Variants in CCDC13 observed in about 807,000 individuals in gnomAD.
The protein encoded by CCDC13 is coiled-coil domain containing 13, also known as coiled-coil domain-containing protein 13.
CCDC13 carries 70 observed loss-of-function variants against 87.3 expected under a neutral mutation model. The ratio of observed to expected loss-of-function variants is 0.80; its 90% confidence interval spans 0.66 to 0.98. CCDC13 has a LOEUF of 0.98. Ranked by LOEUF, CCDC13 falls within the 50% of genes least tolerant of loss-of-function variation. CCDC13 has a pLI of 0.00. For missense variants in CCDC13, 842 were observed against 892.0 expected, an observed-to-expected ratio of 0.94 and a Z score of 0.71; for synonymous variants, 317 against 360.3, an observed-to-expected ratio of 0.88 and a Z score of 1.36.
At chr3:42,739,888 A>C in intron 8 of CCDC13, 78 bp from the exon 9 acceptor site, 9 of 1,380,020 alleles carry the variant, frequency 6.5e-6, no homozygotes, top group Non-Finnish European at 9.1e-6. Flanking sequence ...CTCCTACTCA[A>C]TGGCAAGGCC....
At chr3:42,771,298 C>G (rs1484547637) in intron 1 of CCDC13, among the ~76,000 whole-genome samples, 6 of 152,178 alleles carry the variant, frequency 3.9e-5, no homozygotes, top group African/African-American at 1.4e-4. Flanking sequence ...TTGTAAATCC[C>G]TTCTAAATGA....
chr3:42,725,144 T>C (rs1698660008), intron 13 of CCDC13, among the ~76,000 whole-genome samples: 1 of 152,190 alleles, frequency 6.6e-6, no homozygotes, highest in Non-Finnish European at 1.5e-5. Context: ...CCTTGTTAGT[T>C]TGGCAAAAAT....
intron 13 of CCDC13, among the ~76,000 whole-genome samples, chr3:42,728,299 G>A (rs1698737435): frequency 1.3e-5 from 2 of 152,156 alleles, no homozygotes; most frequent in South Asian, 4.1e-4. Context: ...TGAGCACACA[G>A]GATTAGGGAA....
intron 12 of CCDC13, among the ~76,000 whole-genome samples, chr3:42,731,154 C>T (rs1171451250): frequency 6.6e-6 from 1 of 152,054 alleles, no homozygotes; most frequent in African/African-American, 2.4e-5. Context: ...AAACTCTGCC[C>T]CCCAACTTCA....
intron 5 of CCDC13, 145 bp downstream of exon 5, chr3:42,751,791 T>C: frequency 1.5e-6 from 1 of 665,222 alleles, no homozygotes; most frequent in Non-Finnish European, 2.7e-6. Context: ...GATGCAGCAA[T>C]GGTAGACAAT....
intron 14 of CCDC13, 141 bp downstream of exon 14, chr3:42,713,021 A>T: frequency 1.1e-6 from 1 of 921,462 alleles, no homozygotes; most frequent in Non-Finnish European, 1.6e-6. Flanking sequence ...CCCACAGTGG[A>T]GGCAGGCAGA....
chr3:42,742,664 G>A (rs929776787), intron 8 of CCDC13, among the ~76,000 whole-genome samples: 8 of 152,118 alleles, frequency 5.3e-5, no homozygotes, highest in Non-Finnish European at 1.2e-4. Flanking sequence ...AAACAGCCAG[G>A]ATGGGGCCAC....
chr3:42,746,183 C>T, intron 6 of CCDC13, 156 bp from the exon 7 acceptor site: 1 of 618,224 alleles, frequency 1.6e-6, no homozygotes, highest in South Asian at 2.0e-5. Flanking sequence ...TTTTCCATGT[C>T]CCAAGGGCAG....
At chr3:42,772,144 C>T (rs892303333) in intron 1 of CCDC13, among the ~76,000 whole-genome samples, 8 of 151,440 alleles carry the variant, frequency 5.3e-5, no homozygotes, top group African/African-American at 7.3e-5. Flanking sequence ...TGGTGGCGGG[C>T]GCCTGTAATC....
chr3:42,732,938 T>C lies in CCDC13; in HGVS notation c.1544A>G (p.Glu515Gly). 1 of 1,554,104 alleles carries C rather than the reference T, an allele frequency of 6.4e-7. No individual in the cohort carries two copies. Among genetic ancestry groups the C allele is most frequent in the Admixed American group, 1.9e-5 (1 of 51,362 alleles). Reference sequence around the variant, plus strand: ...CAGGGAAGGCCTCGTGAGAGCAGATTCCACCAGTGTGTGGCCCAGGCTGGT... The same window carrying C: ...CAGGGAAGGCCTCGTGAGAGCAGATCCCACCAGTGTGTGGCCCAGGCTGGT... ...SVTSLGHTLV[E>G]SALTRPSLPS... Residue 515 changes from glutamate (E) to glycine (G), a missense_variant, in exon 12 of 16, where the codon GAA becomes GGA. Transcript: ENST00000310232.
intron 1 of CCDC13, among the ~76,000 whole-genome samples, chr3:42,760,292 CTAAA>C (rs56384940): frequency 0.12 from 16,710 of 144,486 alleles, 1,047 homozygotes; most frequent in Non-Finnish European, 0.14. Context: ...ATTCTTGTCT[CTAAA>C]TAAATAAATA....
At chr3:42,732,333 A>G (rs991704004) in intron 12 of CCDC13, among the ~76,000 whole-genome samples, 5 of 152,066 alleles carry the variant, frequency 3.3e-5, no homozygotes, top group African/African-American at 1.2e-4. Context: ...ACCTGAGCTG[A>G]CCTGCCTGAG....
downstream of CCDC13, chr3:42,704,874 A>G (rs2125863395): frequency 6.6e-6 from 1 of 152,330 alleles, no homozygotes; most frequent in South Asian, 2.1e-4. Context: ...GAGTGGGGAC[A>G]ATTCTCTCAA....
At chr3:42,771,866 A>G (rs1022335916) in intron 1 of CCDC13, among the ~76,000 whole-genome samples, 6 of 152,234 alleles carry the variant, frequency 3.9e-5, no homozygotes, top group African/African-American at 1.4e-4. Context: ...GTACCACACC[A>G]ATGCAATGTG....
chr3:42,735,341 A>G (rs186812714), intron 10 of CCDC13, among the ~76,000 whole-genome samples: 205 of 152,302 alleles, frequency 1.3e-3, no homozygotes, highest in Non-Finnish European at 2.4e-3. Flanking sequence ...CATGGTGCCT[A>G]GAAGCTGAAT....
At chr3:42,768,577 G>A (rs1443420922) in intron 1 of CCDC13, among the ~76,000 whole-genome samples, 1 of 151,962 alleles carries the variant, frequency 6.6e-6, no homozygotes, top group Non-Finnish European at 1.5e-5. Context: ...TGCACCTGCA[G>A]TCCCAGCTAC....
intron 3 of CCDC13, among the ~76,000 whole-genome samples, chr3:42,755,269 C>T (rs1047554400): frequency 2.6e-5 from 4 of 152,070 alleles, no homozygotes; most frequent in Non-Finnish European, 4.4e-5. Context: ...CAAAAGAAAC[C>T]GATCTATCAA....
Position 42,733,324 on chromosome 3 carries a change from T to C in CCDC13, c.1511+146A>G, listed in dbSNP as rs758099853. 13 of 1,010,560 alleles carry C rather than the reference T, an allele frequency of 1.3e-5. 1 individual carries two copies. Among genetic ancestry groups the C allele is most frequent in the Non-Finnish European group, 1.7e-5 (11 of 647,836 alleles). The allele number at this position is 1,010,560 out of a possible 1,614,324, so 62.6% of individuals were successfully genotyped here. A position where few individuals can be genotyped will look rare whatever the true frequency, so the allele number is the denominator to read the frequency against. On this transcript the variant is annotated intron_variant, in intron 11 of 15. Coordinates refer to ENST00000310232, the MANE Select transcript of CCDC13 (RefSeq NM_144719.4). The stretch of plus-strand genomic sequence containing the variant: ...TTCTGCAGACGCAGAGCTAATGTCA[T>C]AGGAGAGGCCCACGTATTGGAAGAA...
chr3:42,730,324 G>T, intron 13 of CCDC13, 143 bp downstream of exon 13: 6 of 1,153,880 alleles, frequency 5.2e-6, no homozygotes, highest in South Asian at 3.2e-5. Flanking sequence ...GTTGTGGGGC[G>T]CATGAGTTGT....
Sources: gnomAD v4.1 joint callset for allele counts (sites outside exome capture counted in the v4.1 genomes callset) on GRCh38, gnomAD v4.1.1 for gene constraint, MANE v1.5 for transcripts, NCBI Gene and HGNC (gene_info 2026-07-23, HGNC 2026-07-21) for gene names.